The following EHBP1 variants were observed in gnomAD, a reference collection of about 807,000 sequenced individuals.
The protein encoded by EHBP1 is EH domain-binding protein 1.
Under a neutral mutation model 144.0 loss-of-function variants are expected in EHBP1, and 55 were observed. That is an observed-to-expected ratio of 0.38 (90% confidence interval 0.31 to 0.48). The LOEUF (loss-of-function observed/expected upper bound fraction) is 0.48, where lower values mean the gene tolerates loss of function less well. EHBP1 is among the 20% of genes least tolerant of loss of function. The pLI is 0.98. For missense variants in EHBP1, 1,200 were observed against 1,364.2 expected (o/e 0.88, Z 1.90); for synonymous variants, 469 against 472.7 (o/e 0.99, Z 0.10).
intron 10 of EHBP1, among the ~76,000 whole-genome samples, chr2:62,894,039 C>T (rs1242481949): frequency 1.4e-5 from 2 of 147,338 alleles, no homozygotes; most frequent in Middle Eastern, 3.2e-3. Context: ...AGCGAGACTC[C>T]GTCTCAAAAA....
chr2:62,808,666 T>C (rs151026930), intron 5 of EHBP1, among the ~76,000 whole-genome samples: 230 of 152,306 alleles, frequency 1.5e-3, no homozygotes, highest in Middle Eastern at 0.01. Context: ...TTTTTTCTTT[T>C]AGTATGCCTG....
chr2:62,690,622 C>T (rs1050434834), intron 1 of EHBP1, among the ~76,000 whole-genome samples: 2 of 151,746 alleles, frequency 1.3e-5, no homozygotes, highest in Non-Finnish European at 2.9e-5. Flanking sequence ...AGACTGTGAA[C>T]AAATACCACT....
rs1345784364 is a variant in EHBP1 at position 63,045,351 on chromosome 2, TGC to T, written c.3393-58_3393-57del. The T allele has an allele frequency of 5.6e-5, 84 of 1,510,088 alleles. No individual in the cohort carries two copies. The East Asian group carries it at 1.9e-3, about 34-fold the overall frequency. 93.5% of individuals were successfully genotyped at this position (1,510,088 alleles called of 1,614,324 possible). On this transcript the variant is annotated intron_variant, in intron 22 of 22. Transcript: ENST00000431489. The surrounding 1 kb of genome is among the most constrained non-coding windows in gnomAD (Gnocchi z 5.7). The stretch of plus-strand genomic sequence containing the variant: ...ACTGGGCGACGGGGGAGTGCTGCTC[TGC>T]CCTCCACGAAGAAAAATAATTTTGT...
rs118024984 is a variant in EHBP1 at position 62,929,763 on chromosome 2, G to A, written c.1186-12955G>A. 1.5e-3 allele frequency among the ~76,000 whole-genome samples: 228 copies of A among 152,060 alleles called. 3 individuals carry two copies. The East Asian group carries it at 0.025, about 17-fold the overall frequency. ...AAAAGGTATTCAAATCAGAAAGGAA[G>A]GCATAAGATTATCTCTGTTTGCTGA... On this transcript the variant is annotated intron_variant, in intron 10 of 22. Coordinates refer to ENST00000431489, the MANE Select transcript of EHBP1 (RefSeq NM_001142616.3).
chr2:63,026,904 T>C (rs572196731), intron 19 of EHBP1, among the ~76,000 whole-genome samples: 1 of 152,356 alleles, frequency 6.6e-6, no homozygotes, highest in African/African-American at 2.4e-5. Flanking sequence ...CTGTTATGGA[T>C]GAACTAAGTG....
intron 5 of EHBP1, among the ~76,000 whole-genome samples, chr2:62,775,289 T>C: frequency 1.3e-5 from 2 of 152,334 alleles, no homozygotes; most frequent in South Asian, 4.1e-4. Context: ...TGACTTTTGC[T>C]GATCATTATG....
chr2:63,020,446 T>G lies in EHBP1; in HGVS notation c.3104-17089T>G, dbSNP rs571001022. On this transcript the variant is annotated intron_variant, in intron 19 of 22. Transcript: ENST00000431489. ...TGAACCCAGGAGGTGGAGGTTGCAATGACCCGAGATTGTACCACTGCACTC... is the reference window on the plus strand; with the variant it reads ...TGAACCCAGGAGGTGGAGGTTGCAAGGACCCGAGATTGTACCACTGCACTC... Among the ~76,000 whole-genome samples the G allele has an allele frequency of 4.7e-5, 7 of 147,858 alleles. No homozygotes were observed. In the South Asian group the frequency reaches 1.5e-3, roughly 32 times the overall value.
At chr2:62,892,702 TA>T (rs1237401041) in intron 10 of EHBP1, among the ~76,000 whole-genome samples, 3 of 152,108 alleles carry the variant, frequency 2.0e-5, no homozygotes, top group Non-Finnish European at 2.9e-5. Flanking sequence ...TATAATTGAC[TA>T]AAAATATTTT....
chr2:63,038,719 G>A, intron 20 of EHBP1, 24 bp from the exon 21 acceptor site: 1 of 1,605,874 alleles, frequency 6.2e-7, no homozygotes, highest in Non-Finnish European at 8.5e-7. Flanking sequence ...TTAGCATATT[G>A]ATGAACTTTT....
chr2:62,841,512 G>A (rs2047866362), intron 7 of EHBP1, among the ~76,000 whole-genome samples: 2 of 151,884 alleles, frequency 1.3e-5, no homozygotes, highest in South Asian at 4.2e-4. Flanking sequence ...AAAAAATAAA[G>A]CAAAATTTAT....
intron 10 of EHBP1, among the ~76,000 whole-genome samples, chr2:62,906,874 A>G (rs2053850921): frequency 6.6e-6 from 1 of 152,238 alleles, no homozygotes; most frequent in South Asian, 2.1e-4. Context: ...TTATACTTCA[A>G]GAATGTAATA....
intron 1 of EHBP1, among the ~76,000 whole-genome samples, chr2:62,681,973 G>T (rs1461628752): frequency 1.3e-5 from 2 of 152,230 alleles, no homozygotes; most frequent in African/African-American, 4.8e-5. Context: ...TGGATTGAAT[G>T]ATCTCTAAGT....
At chr2:62,760,585 A>G (rs561660732) in intron 3 of EHBP1, among the ~76,000 whole-genome samples, 10 of 152,340 alleles carry the variant, frequency 6.6e-5, no homozygotes, top group Admixed American at 6.5e-4. Context: ...TGAGGAAATT[A>G]TCTGAAGCTA....
intron 19 of EHBP1, among the ~76,000 whole-genome samples, chr2:63,025,553 G>C (rs2060939802): frequency 6.6e-6 from 1 of 152,154 alleles, no homozygotes; most frequent in African/African-American, 2.4e-5. Context: ...GTGAGGCTCT[G>C]GCCCTTTTTA....
intron 7 of EHBP1, among the ~76,000 whole-genome samples, chr2:62,851,593 C>T (rs1212053089): frequency 6.6e-6 from 1 of 152,106 alleles, no homozygotes; most frequent in Non-Finnish European, 1.5e-5. Context: ...AAATATAAAG[C>T]CATGAGAGCA....
At chr2:62,746,941 G>A (rs2039219142) in intron 2 of EHBP1, among the ~76,000 whole-genome samples, 1 of 151,968 alleles carries the variant, frequency 6.6e-6, no homozygotes, top group Non-Finnish European at 1.5e-5. Flanking sequence ...CTATAATAAT[G>A]TTTTAAAAAC....
At chr2:62,944,913 A>T (rs1393174982) in intron 12 of EHBP1, among the ~76,000 whole-genome samples, 1 of 152,242 alleles carries the variant, frequency 6.6e-6, no homozygotes, top group Non-Finnish European at 1.5e-5. Context: ...TTATTGTCTT[A>T]GAACAGGAGT....
At chr2:62,763,679 T>C (rs1425926050) in intron 3 of EHBP1, among the ~76,000 whole-genome samples, 1 of 152,096 alleles carries the variant, frequency 6.6e-6, no homozygotes, top group Admixed American at 6.6e-5. Flanking sequence ...TTTTGGAGTG[T>C]GGAGGTTCCT....
In EHBP1 at chr2:62,943,795, C is replaced by T. The variant is rs772008699; in HGVS notation, c.1365-7C>T. ...ATATGTACCCACTGTGCTATTTTCT[C>T]CCTCAGTGACTACAAGTCTCTGAAT... On this transcript the variant is annotated splice_polypyrimidine_tract_variant and splice_region_variant and intron_variant, in intron 11 of 22. Transcript: ENST00000431489. The T allele has an allele frequency of 3.1e-5, 49 of 1,590,082 alleles. No homozygotes were observed. The highest frequency in any genetic ancestry group is 4.1e-5 in the Non-Finnish European group (48 of 1,164,066).
Sources: allele counts gnomAD v4.1 joint callset (sites outside exome capture counted in the v4.1 genomes callset), GRCh38; gene constraint gnomAD v4.1.1; non-coding constraint Gnocchi (gnomAD v3.1); transcripts MANE v1.5; gene names NCBI Gene and HGNC (gene_info 2026-07-23, HGNC 2026-07-21).